Variants in ATP8A2 observed in about 807,000 individuals in gnomAD.
The protein encoded by ATP8A2 is ATPase phospholipid transporting 8A2, also known as phospholipid-transporting ATPase IB.
In ATP8A2, 100 loss-of-function variants were observed where a neutral mutation model predicts 165.6. That is an observed-to-expected ratio of 0.60 (90% CI 0.51 to 0.71). The LOEUF is 0.71. Ranked by LOEUF, ATP8A2 falls within the 30% of genes least tolerant of loss-of-function variation. The pLI is 0.00. For synonymous variants in ATP8A2, 543 were observed against 548.8 expected (o/e 0.99, Z 0.15); for missense variants, 1,227 against 1,479.5 (o/e 0.83, Z 2.80).
In ATP8A2 at chr13:25,572,076, T is replaced by C. The variant is rs114139461; in HGVS notation, c.1662+384T>C. 7.2e-3 allele frequency among the ~76,000 whole-genome samples: 1,095 copies of C among 152,210 alleles called. 16 individuals are homozygous for C. The highest frequency in any genetic ancestry group is 0.026 in the African/African-American group (1,060 of 41,514). On this transcript the variant is annotated intron_variant, in intron 18 of 36. Transcript: ENST00000381655. Reference sequence around the variant, plus strand: ...GTTCTTACTCAATGAAGCCTCACAGTCCACTGGGCTTCAGTCTCTTCAGCT... The same window carrying C: ...GTTCTTACTCAATGAAGCCTCACAGCCCACTGGGCTTCAGTCTCTTCAGCT...
intron 2 of ATP8A2, among the ~76,000 whole-genome samples, chr13:25,506,940 CATATATATATAT>C (rs59774160): frequency 1.6e-5 from 2 of 128,712 alleles, no homozygotes; most frequent in Non-Finnish European, 3.3e-5. Flanking sequence ...CAGTACAGTA[CATATATATATAT>C]ATATATATAT....
chr13:25,401,554 G>C (rs1161834454), intron 1 of ATP8A2, among the ~76,000 whole-genome samples: 1 of 151,436 alleles, frequency 6.6e-6, no homozygotes. Flanking sequence ...GCTTCAAGCT[G>C]TTCTTTTTTT....
chr13:25,776,300 G>A (rs2044740550), intron 27 of ATP8A2, among the ~76,000 whole-genome samples: 1 of 152,184 alleles, frequency 6.6e-6, no homozygotes, highest in Non-Finnish European at 1.5e-5. Flanking sequence ...AAAGGGATCT[G>A]GTTAAAGTCC....
intron 33 of ATP8A2, chr13:25,944,592 G>T (rs1955157396): frequency 6.6e-6 from 1 of 152,136 alleles, no homozygotes; most frequent in African/African-American, 2.4e-5. Context: ...CACTAATTTG[G>T]CATCAATATG....
rs191392468 is a variant in ATP8A2, at chr13:25,907,662, G to A, written c.3183+45254G>A. On this transcript the variant is annotated intron_variant, in intron 33 of 36. Transcript: ENST00000381655. ...TCTGAAGACAAACAAACACTCAAAA[G>A]CCTTACTTCTTAACAGGCCTGTTGA... Among the ~76,000 whole-genome samples, 17 of 152,276 alleles carry A rather than the reference G, an allele frequency of 1.1e-4. No homozygotes were observed. The East Asian group carries it at 2.9e-3, about 26-fold the overall frequency.
intron 20 of ATP8A2, among the ~76,000 whole-genome samples, chr13:25,578,333 G>C (rs2039675208): frequency 6.6e-6 from 1 of 152,184 alleles, no homozygotes; most frequent in South Asian, 2.1e-4. Flanking sequence ...ATAGTCATAG[G>C]CAGATGGGCT....
intron 25 of ATP8A2, among the ~76,000 whole-genome samples, chr13:25,744,711 A>G (rs1254531764): frequency 6.6e-6 from 1 of 152,210 alleles, no homozygotes; most frequent in South Asian, 2.1e-4. Context: ...AACCTGCCTC[A>G]GACAGTGTTT....
intron 27 of ATP8A2, among the ~76,000 whole-genome samples, chr13:25,783,504 G>A (rs1344267127): frequency 1.3e-5 from 2 of 152,240 alleles, no homozygotes; most frequent in Admixed American, 6.5e-5. Flanking sequence ...AATAGAGAAT[G>A]CAGATAAGAA....
At chr13:25,574,009 A>C (rs923790642) in intron 18 of ATP8A2, among the ~76,000 whole-genome samples, 1 of 152,226 alleles carries the variant, frequency 6.6e-6, no homozygotes, top group African/African-American at 2.4e-5. Flanking sequence ...AAAGTCACAC[A>C]CTTAGAGGCA....
intron 24 of ATP8A2, chr13:25,591,131 CTATG>C (rs1565959122): frequency 1.1e-5 from 2 of 190,062 alleles, no homozygotes; most frequent in Non-Finnish European, 2.5e-5. Context: ...ATTGGAAATA[CTATG>C]TGTGTGTGTG....
chr13:25,637,335 G>A (rs577377433), intron 24 of ATP8A2, among the ~76,000 whole-genome samples: 3 of 152,210 alleles, frequency 2.0e-5, no homozygotes, highest in Admixed American at 6.5e-5. Context: ...GAAGCACAAG[G>A]GGTCAGGGAA....
intron 15 of ATP8A2, 45 bp from the exon 16 acceptor site, chr13:25,563,911 C>G: frequency 6.9e-7 from 1 of 1,443,062 alleles, no homozygotes; most frequent in Non-Finnish European, 9.8e-7. Context: ...GTTAGCTTAA[C>G]AGAAACTTTT....
At chr13:25,474,541 G>T (rs1318424434) in intron 2 of ATP8A2, among the ~76,000 whole-genome samples, 2 of 149,232 alleles carry the variant, frequency 1.3e-5, no homozygotes, top group Non-Finnish European at 3.0e-5. Flanking sequence ...TAGCCTGGGC[G>T]ACAGAGCCAG....
Position 25,467,948 on chromosome 13 carries a change from G to T in ATP8A2, c.77-1029G>T, listed in dbSNP as rs1179597889. On this transcript the variant is annotated intron_variant, in intron 1 of 36. Coordinates refer to ENST00000381655, the MANE Select transcript of ATP8A2 (RefSeq NM_016529.6). Reference sequence around the variant, plus strand: ...GCGAATGTATATTTAAGAAAAACAAGATAAGTCTTCATCTGTAGAGTATTA... The same window carrying T: ...GCGAATGTATATTTAAGAAAAACAATATAAGTCTTCATCTGTAGAGTATTA... 2.0e-5 allele frequency among the ~76,000 whole-genome samples: 3 copies of T among 152,170 alleles called. No individual in the cohort carries two copies. The East Asian group carries it at 5.8e-4, about 29-fold the overall frequency.
rs141282544 is a variant in ATP8A2 at position 25,903,112 on chromosome 13, G to A, written c.3183+40704G>A. Among the ~76,000 whole-genome samples the A allele has an allele frequency of 4.8e-3, 730 of 151,972 alleles. 5 individuals carry two copies. The highest frequency in any genetic ancestry group is 0.016 in the African/African-American group (677 of 41,436). On this transcript the variant is annotated intron_variant, in intron 33 of 36. Transcript: ENST00000381655. ...GCCTGGGCAAGAAGAACGAAACTCC[G>A]TCTCAAAAACAAAACAAAACGAAAC... is the stretch of plus-strand genomic sequence containing the variant.
At chr13:25,523,666 T>C (rs1276869882) in intron 2 of ATP8A2, among the ~76,000 whole-genome samples, 1 of 152,194 alleles carries the variant, frequency 6.6e-6, no homozygotes, top group Non-Finnish European at 1.5e-5. Context: ...TTGTTCATAG[T>C]AGTCTCTAAT....
At chr13:25,377,167 C>T (rs2032660882) in intron 1 of ATP8A2, among the ~76,000 whole-genome samples, 1 of 152,226 alleles carries the variant, frequency 6.6e-6, no homozygotes. Context: ...GAAGTGTATA[C>T]AGTGCCTCTA....
chr13:25,718,386 C>CG (rs2043301473), intron 25 of ATP8A2, among the ~76,000 whole-genome samples: 2 of 136,896 alleles, frequency 1.5e-5, no homozygotes, highest in African/African-American at 6.7e-5. Context: ...GTTTGCTATT[C>CG]ATTTTTTTTC....
chr13:25,404,887 C>T (rs924444508), intron 1 of ATP8A2, among the ~76,000 whole-genome samples: 60 of 151,670 alleles, frequency 4.0e-4, no homozygotes, highest in African/African-American at 1.0e-3. Context: ...ACAGGGGAGG[C>T]GAGGAAAAAG....
Sources: gnomAD v4.1 joint callset for allele counts (sites outside exome capture counted in the v4.1 genomes callset) on GRCh38, gnomAD v4.1.1 for gene constraint, MANE v1.5 for transcripts, NCBI Gene and HGNC (gene_info 2026-07-23, HGNC 2026-07-21) for gene names.